Variants in AFF4 observed in about 807,000 individuals in gnomAD.
AFF4 encodes ALF transcription elongation factor 4.
A neutral mutation model predicts 124.8 loss-of-function variants in AFF4; 13 were observed. The observed-to-expected ratio is 0.10, with a 90% CI of 0.07 to 0.17. AFF4 has a LOEUF of 0.17. AFF4 is among the 10% of genes least tolerant of loss of function. The probability of loss-of-function intolerance (pLI) is 1.00; values close to 1 mark genes in which losing one functional copy is unlikely to be tolerated. For missense variants in AFF4, 1,092 were observed against 1,403.8 expected, an observed-to-expected ratio of 0.78 and a Z score of 3.55; for synonymous variants, 477 against 496.1, an observed-to-expected ratio of 0.96 and a Z score of 0.51.
chr5:132,936,987 T>C, intron 2 of AFF4, 80 bp downstream of exon 2: 1 of 1,504,428 alleles, frequency 6.6e-7, no homozygotes, highest in African/African-American at 1.4e-5. Flanking sequence ...TTTTCTAATA[T>C]AAACATTCAA....
At position 132,883,401 on chromosome 5, in the gene AFF4, G is replaced by A. The variant is rs748801785; in HGVS notation, c.3303C>T (p.Ser1101=). 6 of 1,614,002 alleles carry A rather than the reference G, an allele frequency of 3.7e-6. No homozygotes were observed. Among genetic ancestry groups the A allele is most frequent in the Non-Finnish European group, 4.2e-6 (5 of 1,179,996 alleles). ...AAATTTCGGTGGCATAGAGGAAGTT[G>A]GATGTGACCTGAACATAGCTGGCTG... ...QMAASYVQVT[S]NFLYATEIWD... is the part of the protein sequence containing the mutation. Residue 1101 remains serine (S), a synonymous_variant, in exon 20 of 21, where the codon TCC becomes TCT. Coordinates refer to ENST00000265343, the MANE Select transcript of AFF4 (RefSeq NM_014423.4).
At chr5:132,912,269 G>A (rs1004467748) in intron 5 of AFF4, among the ~76,000 whole-genome samples, 2 of 152,000 alleles carry the variant, frequency 1.3e-5, no homozygotes, top group Non-Finnish European at 2.9e-5. Flanking sequence ...TTGAACCAGG[G>A]AGGTGGAGGT....
chr5:132,920,622 T>G (rs1761021298), intron 5 of AFF4, among the ~76,000 whole-genome samples: 1 of 152,016 alleles, frequency 6.6e-6, no homozygotes, highest in Non-Finnish European at 1.5e-5. Flanking sequence ...CCCAAAGTGC[T>G]AGGATTACAG....
intron 5 of AFF4, among the ~76,000 whole-genome samples, chr5:132,923,373 AG>A: frequency 1.9e-3 from 1 of 520 alleles, no homozygotes; most frequent in African/African-American, 3.6e-3. Flanking sequence ...GAAAGAAAGG[AG>A]AGAGAGAGAG....
rs1206698351 is a variant in AFF4 at position 132,908,757 on chromosome 5, CATATATATAT to C, written c.1051-4363_1051-4354del. 2.2e-5 allele frequency among the ~76,000 whole-genome samples: 3 copies of C among 136,166 alleles called. 1 individual carries two copies. In the Admixed American group the frequency reaches 2.3e-4, roughly 11 times the overall value. 89.3% of individuals were successfully genotyped at this position (136,166 alleles called of 152,430 possible). ...ATATAATCTATACACTATATATATA[CATATATATAT>C]ATATATATATTTTTTTTTTTTGAGA... is the stretch of plus-strand genomic sequence containing the variant. On this transcript the variant is annotated intron_variant, in intron 5 of 20. Coordinates refer to ENST00000265343, the MANE Select transcript of AFF4 (RefSeq NM_014423.4).
rs1761192842 is a variant in AFF4, at chr5:132,927,205, C to G, written c.966G>C (p.Glu322Asp). ...DVSCVDEILK[E>D]MTHSWPPPLT... ...GAGGGGGAGGCCATGAATGCGTCAT[C>G]TCCTGAAATGTAATTATTACAGTTT... is the stretch of plus-strand genomic sequence containing the variant. Residue 322 changes from glutamate (E) to aspartate (D), a missense_variant and splice_region_variant, in exon 5 of 21, where the codon GAG becomes GAC. Coordinates refer to ENST00000265343, the MANE Select transcript of AFF4 (RefSeq NM_014423.4). 1.2e-6 allele frequency: 2 copies of G among 1,609,884 alleles called. No homozygotes were observed. The highest frequency in any genetic ancestry group is 1.7e-5 in the Admixed American group (1 of 59,112).
rs1173880172 is a variant in AFF4, at chr5:132,883,478, C to T, written c.3226G>A (p.Ala1076Thr). The T allele has an allele frequency of 6.2e-7, 1 of 1,613,930 alleles. No homozygotes were observed. Among genetic ancestry groups the T allele is most frequent in the African/African-American group, 1.3e-5 (1 of 74,912 alleles). The change falls in exon 20 of 21, where the codon GCT becomes ACT. Residue 1076 changes from alanine to threonine, a missense_variant. Ala to Thr is a moderately conservative substitution (Grantham distance 58). Transcript: ENST00000265343. Reference protein sequence around the residue: ...SGNYSSGASSASASGSSVTIP... With the variant: ...SGNYSSGASSTSASGSSVTIP... ...GTCACTGAAGAACCACTTGCAGAAG[C>T]ACTACTGGCCCCAGATGAATAATTT...
intron 5 of AFF4, 59 bp downstream of exon 5, chr5:132,927,061 AT>A (rs780031760): frequency 4.2e-6 from 6 of 1,436,608 alleles, no homozygotes; most frequent in Non-Finnish European, 5.8e-6. Context: ...AATCCATATG[AT>A]TTTAGTCAAG....
chr5:132,947,750 T>C (rs954351614), intron 1 of AFF4, among the ~76,000 whole-genome samples: 2 of 152,204 alleles, frequency 1.3e-5, no homozygotes, highest in Non-Finnish European at 2.9e-5. Flanking sequence ...TCTCTACCCA[T>C]GAGACAGTCT....
At chr5:132,916,251 A>G (rs1760908692) in intron 5 of AFF4, among the ~76,000 whole-genome samples, 2 of 150,258 alleles carry the variant, frequency 1.3e-5, no homozygotes, top group Admixed American at 6.6e-5. Flanking sequence ...AAAAAAAAAA[A>G]AAAAAAAAAA....
At chr5:132,925,760 G>A (rs1391695887) in intron 5 of AFF4, among the ~76,000 whole-genome samples, 1 of 152,202 alleles carries the variant, frequency 6.6e-6, no homozygotes, top group Admixed American at 6.5e-5. Context: ...AAATGGTGGT[G>A]TGCATGTGTG....
At chr5:132,951,597 G>C (rs56332103) in intron 1 of AFF4, among the ~76,000 whole-genome samples, 19 of 152,030 alleles carry the variant, frequency 1.2e-4, no homozygotes, top group Non-Finnish European at 2.5e-4. Context: ...GCACGATCTC[G>C]GCTCACTGCA....
At chr5:132,902,853 T>C (rs1760584265) in intron 6 of AFF4, among the ~76,000 whole-genome samples, 2 of 152,332 alleles carry the variant, frequency 1.3e-5, no homozygotes, top group South Asian at 2.1e-4. Context: ...GGAATGTTTA[T>C]TATAGCCTGG....
In AFF4 at chr5:132,903,511, T is replaced by C. The variant is rs186034721; in HGVS notation, c.1087+857A>G. On this transcript the variant is annotated intron_variant, in intron 6 of 20. Transcript: ENST00000265343. Reference sequence around the variant, plus strand: ...ATACGGTAAAGCCCAGACATTTGCATTGGTTCCTGATCTTACCACTCTCAA... The same window carrying C: ...ATACGGTAAAGCCCAGACATTTGCACTGGTTCCTGATCTTACCACTCTCAA... Among the ~76,000 whole-genome samples, 115 of 151,932 alleles carry C rather than the reference T, an allele frequency of 7.6e-4. 1 individual carries two copies. The highest frequency in any genetic ancestry group is 6.8e-3 in the Middle Eastern group (2 of 292).
At chr5:132,935,545 C>T (rs970298235) in intron 2 of AFF4, among the ~76,000 whole-genome samples, 6 of 152,012 alleles carry the variant, frequency 3.9e-5, no homozygotes, top group South Asian at 2.1e-4. Context: ...CCAAGGTGGG[C>T]GGATCACCTG....
chr5:132,954,131 CT>C (rs1761900540), intron 1 of AFF4, among the ~76,000 whole-genome samples: 1 of 152,154 alleles, frequency 6.6e-6, no homozygotes, highest in Non-Finnish European at 1.5e-5. Context: ...AGTTCCCAAT[CT>C]TTTTGGCACC....
At chr5:132,932,566 G>A (rs1561501211) in intron 3 of AFF4, among the ~76,000 whole-genome samples, 1 of 152,128 alleles carries the variant, frequency 6.6e-6, no homozygotes, top group Non-Finnish European at 1.5e-5. Context: ...ATGATACTGA[G>A]ATACATCATT....
At chr5:132,960,001 A>G (rs1762047608) in intron 1 of AFF4, among the ~76,000 whole-genome samples, 1 of 151,700 alleles carries the variant, frequency 6.6e-6, no homozygotes, top group Non-Finnish European at 1.5e-5. Context: ...GTGATCCGCC[A>G]GCCTCAGCCT....
chr5:132,906,367 T>C (rs1760670917), intron 5 of AFF4, among the ~76,000 whole-genome samples: 1 of 152,152 alleles, frequency 6.6e-6, no homozygotes. Flanking sequence ...CAAATGTCCA[T>C]CAGCTGATGA....
Sources: gnomAD v4.1 joint callset for allele counts (sites outside exome capture counted in the v4.1 genomes callset) on GRCh38, gnomAD v4.1.1 for gene constraint, MANE v1.5 for transcripts, NCBI Gene and HGNC (gene_info 2026-07-23, HGNC 2026-07-21) for gene names.